ALK: variants seen among roughly 807,000 people sequenced by gnomAD.
ALK encodes ALK receptor tyrosine kinase, also known as ALK tyrosine kinase receptor.
ALK carries 74 observed loss-of-function variants against 163.1 expected under a neutral mutation model. The ratio of observed to expected loss-of-function variants is 0.45; its 90% CI spans 0.38 to 0.55. ALK has a LOEUF of 0.55. Ranked by LOEUF, ALK falls within the 20% of genes least tolerant of loss-of-function variation. The pLI is 0.00. For missense variants in ALK, 2,063 were observed against 2,105.3 expected (o/e 0.98, Z 0.39); for synonymous variants, 960 against 843.2 (o/e 1.14, Z -2.40).
At chr2:29,840,633 A>T (rs891499836) in intron 1 of ALK, among the ~76,000 whole-genome samples, 1 of 152,232 alleles carries the variant, frequency 6.6e-6, no homozygotes, top group African/African-American at 2.4e-5. Flanking sequence ...AAGAAAAACT[A>T]TGGCTGCAGT....
chr2:29,678,657 T>C (rs908574932), intron 3 of ALK, among the ~76,000 whole-genome samples: 1 of 151,402 alleles, frequency 6.6e-6, no homozygotes, highest in Non-Finnish European at 1.5e-5. Context: ...TTGAAGGATA[T>C]ACTTTTTAAA....
intron 4 of ALK, among the ~76,000 whole-genome samples, chr2:29,516,477 G>A (rs1249282858): frequency 1.3e-5 from 2 of 152,156 alleles, no homozygotes; most frequent in African/African-American, 4.8e-5. Context: ...GGTACATGTC[G>A]GGGAGATGGT....
chr2:29,402,590 G>C lies in ALK; in HGVS notation c.1155-18731C>G, dbSNP rs79102499. The stretch of plus-strand genomic sequence containing the variant: ...CCGTATAATAGGTTTCTATTTTTTG[G>C]TTTCTAGTGCCCATTTTGATATGGT... On this transcript the variant is annotated intron_variant, in intron 4 of 28. Transcript: ENST00000389048. 1.2e-3 allele frequency among the ~76,000 whole-genome samples: 176 copies of C among 152,190 alleles called. 1 individual carries two copies. Among genetic ancestry groups the C allele is most frequent in the Non-Finnish European group, 2.2e-3 (148 of 67,980 alleles).
chr2:29,521,768 G>A (rs1045859716), intron 4 of ALK, among the ~76,000 whole-genome samples: 2 of 152,196 alleles, frequency 1.3e-5, no homozygotes, highest in Non-Finnish European at 2.9e-5. Flanking sequence ...TTTCCTTATG[G>A]CTCAAAGAGC....
At chr2:29,240,423 C>T (rs1034469061) in intron 12 of ALK, among the ~76,000 whole-genome samples, 4 of 152,062 alleles carry the variant, frequency 2.6e-5, no homozygotes, top group African/African-American at 9.7e-5. Context: ...ATGTAATAAG[C>T]ACTCAATTAG....
At chr2:29,893,698 A>G (rs56190352) in intron 1 of ALK, among the ~76,000 whole-genome samples, 9,990 of 152,192 alleles carry the variant, frequency 0.066, 471 homozygotes, top group East Asian at 0.16. Context: ...CAGATGACTC[A>G]GTTACGTAGA....
intron 3 of ALK, among the ~76,000 whole-genome samples, chr2:29,629,640 C>T (rs1676299396): frequency 6.6e-6 from 1 of 152,178 alleles, no homozygotes; most frequent in African/African-American, 2.4e-5. Flanking sequence ...CACTGTCTTT[C>T]AACCACAACA....
At chr2:29,391,200 A>G (rs1177923469) in intron 4 of ALK, among the ~76,000 whole-genome samples, 4 of 151,466 alleles carry the variant, frequency 2.6e-5, no homozygotes, top group African/African-American at 9.7e-5. Flanking sequence ...CCTGGGGTAG[A>G]GGCATAGAAG....
rs1430524359 is a variant in ALK at position 29,920,390 on chromosome 2, C to T, written c.270G>A (p.Ser90=). ...GCAGCGGGGCGCAGTCCAGAGCTAG[C>T]GAGCCGCGGGCCTCGGGCCTGCCAG... is the stretch of plus-strand genomic sequence containing the variant. ...LKAGRPEARG[S]LALDCAPLLR... is the part of the protein sequence containing the mutation. Residue 90 remains serine (S), a synonymous_variant, in exon 1 of 29, where the codon TCG becomes TCA. Coordinates refer to ENST00000389048, the MANE Select transcript of ALK (RefSeq NM_004304.5). The T allele has an allele frequency of 6.4e-7, 1 of 1,566,904 alleles. No individual in the cohort carries two copies. Among genetic ancestry groups the T allele is most frequent in the Admixed American group, 1.9e-5 (1 of 53,146 alleles).
At chr2:29,620,191 G>A (rs1675989648) in intron 3 of ALK, among the ~76,000 whole-genome samples, 1 of 152,156 alleles carries the variant, frequency 6.6e-6, no homozygotes, top group Non-Finnish European at 1.5e-5. Context: ...CAACACAACG[G>A]TGTTGCCTGG....
At chr2:29,345,660 G>A (rs556453695) in intron 5 of ALK, among the ~76,000 whole-genome samples, 1 of 151,950 alleles carries the variant, frequency 6.6e-6, no homozygotes, top group East Asian at 1.9e-4. Flanking sequence ...CAGACGCTTA[G>A]ATCTAAAAAA....
intron 13 of ALK, among the ~76,000 whole-genome samples, chr2:29,236,044 C>T (rs1300381403): frequency 1.4e-5 from 2 of 146,486 alleles, no homozygotes; most frequent in Non-Finnish European, 3.0e-5. Flanking sequence ...GATACAGGGT[C>T]TTGCTGTGTT....
At chr2:29,525,946 C>T (rs1672948515) in intron 4 of ALK, among the ~76,000 whole-genome samples, 1 of 152,136 alleles carries the variant, frequency 6.6e-6, no homozygotes, top group Non-Finnish European at 1.5e-5. Context: ...GTAGTTGCTT[C>T]AATATTACTA....
intron 5 of ALK, among the ~76,000 whole-genome samples, chr2:29,361,028 C>T (rs529790976): frequency 2.2e-4 from 33 of 152,324 alleles, no homozygotes; most frequent in Non-Finnish European, 4.0e-4. Flanking sequence ...AGGGAGGCCC[C>T]GAGGCCATGC....
At chr2:29,712,330 C>A (rs1679127316) in intron 2 of ALK, among the ~76,000 whole-genome samples, 1 of 152,100 alleles carries the variant, frequency 6.6e-6, no homozygotes, top group Non-Finnish European at 1.5e-5. Context: ...GAGCTTGACC[C>A]CCTAGCTCAG....
chr2:29,571,602 C>CTTTTTTTTTTTTTTTTTTTTT (rs60429543), intron 3 of ALK, among the ~76,000 whole-genome samples: 11 of 68,528 alleles, frequency 1.6e-4, no homozygotes, highest in East Asian at 3.7e-4. Flanking sequence ...TGGCTCATAT[C>CTTTTTTTTTTTTTTTTTTTTT]TTTTTTTTTT....
chr2:29,886,952 C>T lies in ALK; in HGVS notation c.667+33041G>A, dbSNP rs900686657. Among the ~76,000 whole-genome samples, 11 of 152,292 alleles carry T rather than the reference C, an allele frequency of 7.2e-5. No homozygotes were observed. The East Asian group carries it at 1.9e-3, about 27-fold the overall frequency. ...AATGAGGAACATTCTCACTTGAAAT[C>T]AGGAATATTTTAACCCACCCAAGCA... On this transcript the variant is annotated intron_variant, in intron 1 of 28. Coordinates refer to ENST00000389048, the MANE Select transcript of ALK (RefSeq NM_004304.5).
chr2:29,371,768 C>T (rs1461759533), intron 5 of ALK, among the ~76,000 whole-genome samples: 1 of 152,176 alleles, frequency 6.6e-6, no homozygotes, highest in Non-Finnish European at 1.5e-5. Context: ...ACTGTTGCAC[C>T]TGCCAATGGC....
In ALK at chr2:29,228,977, G is replaced by T. The variant is rs1468545699; in HGVS notation, c.2722C>A (p.Gln908Lys). Residue 908 changes from glutamine to lysine, a missense_variant, in exon 16 of 29, where the codon CAG (glutamine) becomes AAG (lysine). Gln to Lys is a moderately conservative substitution (Grantham distance 53). Coordinates refer to ENST00000389048, the MANE Select transcript of ALK (RefSeq NM_004304.5). ...EGATGGHSCP[Q>K]AMKKWGWETR... ...TCCCACCCCCACTTCTTCATGGCCTGGGGGCAGGAATGTCCTCCGGTGGCA... is the reference window on the plus strand; with the variant it reads ...TCCCACCCCCACTTCTTCATGGCCTTGGGGCAGGAATGTCCTCCGGTGGCA... The T allele has an allele frequency of 6.3e-7, 1 of 1,583,546 alleles. No homozygotes were observed. Among genetic ancestry groups the T allele is most frequent in the Non-Finnish European group, 8.6e-7 (1 of 1,166,996 alleles).
Sources: gnomAD v4.1 joint callset for allele counts (sites outside exome capture counted in the v4.1 genomes callset) on GRCh38, gnomAD v4.1.1 for gene constraint, MANE v1.5 for transcripts, NCBI Gene and HGNC (gene_info 2026-07-23, HGNC 2026-07-21) for gene names.